Variants in SRPK2 observed in about 807,000 individuals in gnomAD.
The protein encoded by SRPK2 is SRSF protein kinase 2.
Under a neutral mutation model 90.8 loss-of-function variants are expected in SRPK2, and 21 were observed. The ratio of observed to expected loss-of-function variants is 0.23; its 90% confidence interval spans 0.16 to 0.33. The LOEUF (loss-of-function observed/expected upper bound fraction) is 0.33, where lower values mean the gene tolerates loss of function less well. SRPK2 is among the 10% of genes least tolerant of loss of function. The probability of loss-of-function intolerance (pLI) is 1.00; values close to 1 mark genes in which losing one functional copy is unlikely to be tolerated. For missense variants in SRPK2, 620 were observed against 869.0 expected, an observed-to-expected ratio of 0.71 and a Z score of 3.60; for synonymous variants, 288 against 311.1, an observed-to-expected ratio of 0.93 and a Z score of 0.78.
chr7:105,303,312 C>T (rs181407513), intron 2 of SRPK2, among the ~76,000 whole-genome samples: 111 of 151,770 alleles, frequency 7.3e-4, no homozygotes, highest in Middle Eastern at 3.4e-3. Context: ...CAGGGCCTGT[C>T]GTGGGGTGGG....
intron 2 of SRPK2, among the ~76,000 whole-genome samples, chr7:105,336,605 T>C (rs1815121485): frequency 6.6e-6 from 1 of 152,208 alleles, no homozygotes. Flanking sequence ...TTTTACTCTA[T>C]AGCAATCTCT....
intron 3 of SRPK2, among the ~76,000 whole-genome samples, chr7:105,176,581 A>G (rs60009580): frequency 0.027 from 1,764 of 66,554 alleles, 16 homozygotes; most frequent in Admixed American, 0.042. Flanking sequence ...GTGTGTGTGT[A>G]TGTATATATG....
intron 2 of SRPK2, among the ~76,000 whole-genome samples, chr7:105,310,083 A>G (rs2131372191): frequency 6.6e-6 from 1 of 152,286 alleles, no homozygotes; most frequent in East Asian, 1.9e-4. Flanking sequence ...AGCCAAACAG[A>G]AAGGAAAACA....
intron 9 of SRPK2, among the ~76,000 whole-genome samples, chr7:105,144,797 G>A (rs1216336562): frequency 1.3e-5 from 2 of 152,088 alleles, no homozygotes; most frequent in Non-Finnish European, 2.9e-5. Flanking sequence ...TCCCAACTCT[G>A]CACAGATCAT....
chr7:105,285,046 T>C (rs754732740), intron 2 of SRPK2, among the ~76,000 whole-genome samples: 1 of 152,176 alleles, frequency 6.6e-6, no homozygotes, highest in Admixed American at 6.5e-5. Flanking sequence ...TCTTCATTTT[T>C]ATCAGCTTTG....
chr7:105,295,233 A>G (rs1334637641), intron 2 of SRPK2, among the ~76,000 whole-genome samples: 2 of 151,782 alleles, frequency 1.3e-5, no homozygotes. Context: ...AATTGAATGA[A>G]AATATTTTAT....
At chr7:105,148,992 C>T (rs1004491792) in intron 7 of SRPK2, among the ~76,000 whole-genome samples, 1 of 152,230 alleles carries the variant, frequency 6.6e-6, no homozygotes, top group Non-Finnish European at 1.5e-5. Context: ...CCCTTGAAAG[C>T]TGGGTATTGT....
In SRPK2 at chr7:105,176,589, A is replaced by ATG. The variant is rs373147650; in HGVS notation, c.230-7326_230-7325dup. Among the ~76,000 whole-genome samples, 928 of 107,024 alleles carry ATG rather than the reference A, an allele frequency of 8.7e-3. 10 individuals are homozygous for ATG. The highest frequency in any genetic ancestry group is 0.081 in the East Asian group (373 of 4,616). The allele number at this position is 107,024 out of a possible 152,430, so 70.2% of individuals were successfully genotyped here. A position where few individuals can be genotyped will look rare whatever the true frequency, so the allele number is the denominator to read the frequency against. The stretch of plus-strand genomic sequence containing the variant: ...TGTGTGTGTGTGTGTGTATGTATAT[A>ATG]TGTGTGTGTGTGTGTGTGTGTATAC... On this transcript the variant is annotated intron_variant, in intron 3 of 15. Coordinates refer to ENST00000393651, the MANE Select transcript of SRPK2 (RefSeq NM_182692.3).
intron 2 of SRPK2, among the ~76,000 whole-genome samples, chr7:105,262,879 A>G (rs772275469): frequency 2.0e-5 from 3 of 152,232 alleles, no homozygotes; most frequent in Non-Finnish European, 2.9e-5. Context: ...TACCAAATTG[A>G]AAAGAACCTG....
intron 6 of SRPK2, among the ~76,000 whole-genome samples, chr7:105,162,417 G>A (rs941038463): frequency 5.9e-5 from 9 of 152,186 alleles, no homozygotes; most frequent in East Asian, 1.9e-4. Context: ...ATATATTCAT[G>A]TCATTCATAC....
At chr7:105,158,517 T>A (rs1806901412) in intron 7 of SRPK2, among the ~76,000 whole-genome samples, 1 of 152,114 alleles carries the variant, frequency 6.6e-6, no homozygotes, top group South Asian at 2.1e-4. Context: ...CCGCCCAAAG[T>A]GCTGGGATTA....
intron 2 of SRPK2, among the ~76,000 whole-genome samples, chr7:105,243,622 C>A: frequency 8.0e-6 from 1 of 125,674 alleles, no homozygotes. Context: ...CAGAGAGAGA[C>A]TCCATCTCAA....
At chr7:105,349,390 C>T (rs556164146) in intron 2 of SRPK2, among the ~76,000 whole-genome samples, 1 of 151,432 alleles carries the variant, frequency 6.6e-6, no homozygotes, top group Admixed American at 6.6e-5. Context: ...GGCATGGTGG[C>T]GCATGCCTGT....
At chr7:105,251,158 T>A (rs1428754372) in intron 2 of SRPK2, among the ~76,000 whole-genome samples, 2 of 152,182 alleles carry the variant, frequency 1.3e-5, no homozygotes, top group Non-Finnish European at 2.9e-5. Context: ...GACAACGCCA[T>A]AGCAATAAAT....
chr7:105,233,625 C>T (rs548373890), intron 2 of SRPK2, among the ~76,000 whole-genome samples: 2 of 152,088 alleles, frequency 1.3e-5, no homozygotes, highest in Non-Finnish European at 1.5e-5. Flanking sequence ...AGGCCAAAGC[C>T]GGTGGATCAC....
At chr7:105,203,958 A>G (rs1199726459) in intron 2 of SRPK2, among the ~76,000 whole-genome samples, 173 bp from the exon 3 acceptor site, 2 of 102,348 alleles carry the variant, frequency 2.0e-5, no homozygotes, top group African/African-American at 3.7e-5. Flanking sequence ...GTTTCAACAT[A>G]TAAGTCAGGC....
chr7:105,143,688 T>C (rs969627121), intron 9 of SRPK2: 1 of 229,882 alleles, frequency 4.4e-6, no homozygotes, highest in Non-Finnish European at 8.6e-6. Context: ...ATATACAAAG[T>C]AACAACATCC....
intron 2 of SRPK2, among the ~76,000 whole-genome samples, chr7:105,312,006 TA>T (rs1386603904): frequency 5.3e-5 from 8 of 152,230 alleles, no homozygotes; most frequent in Non-Finnish European, 8.8e-5. Context: ...TACAATGTAA[TA>T]TTATTCAGTC....
intron 7 of SRPK2, among the ~76,000 whole-genome samples, chr7:105,157,507 T>A (rs1319250341): frequency 6.6e-6 from 1 of 152,200 alleles, no homozygotes. Flanking sequence ...CTGGAGTATG[T>A]AATTTCTTGA....
Sources: gnomAD v4.1 joint callset for allele counts (sites outside exome capture counted in the v4.1 genomes callset) on GRCh38, gnomAD v4.1.1 for gene constraint, MANE v1.5 for transcripts, NCBI Gene and HGNC (gene_info 2026-07-23, HGNC 2026-07-21) for gene names.